Variants in CALN1 observed in about 807,000 individuals in gnomAD.
CALN1 encodes calcium-binding protein 8.
A neutral mutation model predicts 30.6 loss-of-function variants in CALN1; 17 were observed. The observed-to-expected ratio is 0.56, with a 90% confidence interval of 0.38 to 0.83. The LOEUF (loss-of-function observed/expected upper bound fraction) is 0.83. Among genes scored for constraint, CALN1 ranks in the 40% least tolerant of loss-of-function variants. The pLI, the probability that CALN1 is intolerant of heterozygous loss-of-function variation, is 0.00. For missense variants in CALN1, 291 were observed against 354.9 expected (o/e 0.82, Z 1.45); for synonymous variants, 156 against 131.4 (o/e 1.19, Z -1.28).
At chr7:72,455,033 G>A in the CALN1 span, among the ~76,000 whole-genome samples, 1 of 152,118 alleles carries the variant, frequency 6.6e-6, no homozygotes, top group African/African-American at 2.4e-5. Flanking sequence ...GTTTCTCCGT[G>A]TTGGTCAGGC....
At chr7:72,446,178 C>A (rs1358014441) in intron 1 of CALN1, among the ~76,000 whole-genome samples, 1 of 152,192 alleles carries the variant, frequency 6.6e-6, no homozygotes, top group African/African-American at 2.4e-5. Context: ...GAAAGGAAAT[C>A]TTTCCTTTGG....
chr7:72,411,062 A>G (rs1440854368), intron 1 of CALN1, among the ~76,000 whole-genome samples: 1 of 152,252 alleles, frequency 6.6e-6, no homozygotes, highest in Non-Finnish European at 1.5e-5. Flanking sequence ...GAATAAGACC[A>G]ACATACAGAA....
At chr7:72,001,825 T>C (rs772877524) in intron 5 of CALN1, among the ~76,000 whole-genome samples, 8 of 152,166 alleles carry the variant, frequency 5.3e-5, no homozygotes, top group Non-Finnish European at 8.8e-5. Context: ...GTCAGATTCA[T>C]GTCAGGTAAG....
At chr7:72,482,463 T>G in the CALN1 span, among the ~76,000 whole-genome samples, 1 of 152,174 alleles carries the variant, frequency 6.6e-6, no homozygotes, top group Non-Finnish European at 1.5e-5. Flanking sequence ...TAGCTTCTTT[T>G]GAATGAATTG....
the CALN1 span, among the ~76,000 whole-genome samples, chr7:72,474,700 T>C: frequency 6.8e-6 from 1 of 147,962 alleles, no homozygotes; most frequent in African/African-American, 2.5e-5. Flanking sequence ...AAAAAAAAAA[T>C]CCAGCAGAGA....
the CALN1 span, among the ~76,000 whole-genome samples, chr7:72,468,649 C>G: frequency 0.039 from 5,902 of 152,240 alleles, 365 homozygotes; most frequent in African/African-American, 0.13. Context: ...CAACTGTTTT[C>G]CACAGTGGTT....
chr7:72,305,490 C>A (rs1799588562), intron 2 of CALN1, among the ~76,000 whole-genome samples: 1 of 152,102 alleles, frequency 6.6e-6, no homozygotes, highest in Non-Finnish European at 1.5e-5. Context: ...CCTGCTAAGT[C>A]CACCATACAC....
intron 5 of CALN1, among the ~76,000 whole-genome samples, chr7:71,966,914 A>C (rs1204816796): frequency 1.3e-5 from 2 of 152,198 alleles, no homozygotes; most frequent in African/African-American, 4.8e-5. Flanking sequence ...AGACACTCTA[A>C]AATTTATCAT....
At chr7:72,345,624 AAGG>A (rs916312962) in intron 2 of CALN1, among the ~76,000 whole-genome samples, 2 of 151,914 alleles carry the variant, frequency 1.3e-5, no homozygotes, top group African/African-American at 2.4e-5. Flanking sequence ...AAGCAGCAGG[AAGG>A]AGAATTCTTG....
At chr7:72,163,921 A>G (rs1788323448) in intron 3 of CALN1, among the ~76,000 whole-genome samples, 1 of 152,182 alleles carries the variant, frequency 6.6e-6, no homozygotes, top group African/African-American at 2.4e-5. Flanking sequence ...AGACTACCAC[A>G]AACAAGATAA....
chr7:72,057,560 C>A (rs1250270205), intron 4 of CALN1, among the ~76,000 whole-genome samples: 3 of 151,832 alleles, frequency 2.0e-5, no homozygotes, highest in Non-Finnish European at 4.4e-5. Context: ...ATCAACCCAT[C>A]GCCCAGAAGT....
At chr7:72,092,612 T>C (rs927310350) in intron 4 of CALN1, among the ~76,000 whole-genome samples, 1 of 110,416 alleles carries the variant, frequency 9.1e-6, no homozygotes, top group African/African-American at 3.6e-5. Context: ...TTGCAATGAA[T>C]ATTGTATTCT....
At chr7:71,922,660 A>G (rs1311207894) in intron 5 of CALN1, among the ~76,000 whole-genome samples, 2 of 138,836 alleles carry the variant, frequency 1.4e-5, no homozygotes, top group Admixed American at 1.5e-4. Context: ...ATATATAAAT[A>G]TATAACATAC....
intron 3 of CALN1, among the ~76,000 whole-genome samples, chr7:72,115,074 C>T (rs934273294): frequency 6.8e-6 from 1 of 147,020 alleles, no homozygotes; most frequent in African/African-American, 2.5e-5. Context: ...ATGGACATTA[C>T]ATTATATATG....
intron 3 of CALN1, among the ~76,000 whole-genome samples, chr7:72,142,429 C>T (rs1180625253): frequency 6.6e-6 from 1 of 152,172 alleles, no homozygotes; most frequent in Non-Finnish European, 1.5e-5. Context: ...GGGGGAGGGG[C>T]ACCTGCCATT....
At chr7:72,136,240 G>T (rs1585014713) in intron 3 of CALN1, among the ~76,000 whole-genome samples, 1 of 152,044 alleles carries the variant, frequency 6.6e-6, no homozygotes, top group African/African-American at 2.4e-5. Context: ...TTCTTAACTG[G>T]AACTTCTTGA....
In CALN1 at chr7:71,900,210, A is replaced by C. The variant is rs1443590817; in HGVS notation, c.502-89718T>G. Among the ~76,000 whole-genome samples, 3 of 152,234 alleles carry C rather than the reference A, an allele frequency of 2.0e-5. 1 individual carries two copies. The highest frequency in any genetic ancestry group is 2.9e-5 in the Non-Finnish European group (2 of 68,030). On this transcript the variant is annotated intron_variant, in intron 5 of 6. Transcript: ENST00000395275. ...GAAAAGCAGTTAAGGTCATAGAAAAAGAAAATGCAAATAACTATGGTTATT... is the reference window on the plus strand; with the variant it reads ...GAAAAGCAGTTAAGGTCATAGAAAACGAAAATGCAAATAACTATGGTTATT...
At chr7:72,124,887 C>G (rs1300402376) in intron 3 of CALN1, among the ~76,000 whole-genome samples, 1 of 151,568 alleles carries the variant, frequency 6.6e-6, no homozygotes, top group Non-Finnish European at 1.5e-5. Context: ...CAGATTTTCC[C>G]CAAAAGGAAA....
chr7:72,362,811 C>A (rs929552795), intron 2 of CALN1, among the ~76,000 whole-genome samples: 3 of 152,172 alleles, frequency 2.0e-5, no homozygotes, highest in Non-Finnish European at 4.4e-5. Flanking sequence ...CCAGCCATCA[C>A]CTCCTCGGGC....
Sources: gnomAD v4.1 joint callset for allele counts (sites outside exome capture counted in the v4.1 genomes callset) on GRCh38, gnomAD v4.1.1 for gene constraint, MANE v1.5 for transcripts, NCBI Gene and HGNC (gene_info 2026-07-23, HGNC 2026-07-21) for gene names.